Variants in HIKESHI observed in about 807,000 individuals in gnomAD.
HIKESHI encodes the protein protein Hikeshi.
HIKESHI carries 13 observed loss-of-function variants against 25.7 expected under a neutral mutation model. The ratio of observed to expected loss-of-function variants is 0.51; its 90% CI spans 0.33 to 0.80. The LOEUF (loss-of-function observed/expected upper bound fraction) is 0.80, where lower values mean the gene tolerates loss of function less well. Among genes scored for constraint, HIKESHI ranks in the 30% least tolerant of loss-of-function variants. The pLI is 0.02. For missense variants in HIKESHI, 174 were observed against 229.5 expected (o/e 0.76, Z 1.56); for synonymous variants, 76 against 78.7 (o/e 0.97, Z 0.18).
rs1947802213 is a variant in HIKESHI, at chr11:86,343,996, CAA to C, written c.421-606_421-605del. On this transcript the variant is annotated intron_variant, in intron 3 of 4. Coordinates refer to ENST00000278483, the MANE Select transcript of HIKESHI (RefSeq NM_016401.4). The stretch of plus-strand genomic sequence containing the variant: ...TTAGTGAATTTGATCATTTTAGAGT[CAA>C]GGAAGGGAAACAGATTAGGAAACAG... 3 of 152,304 alleles carry C rather than the reference CAA, an allele frequency of 2.0e-5. No individual in the cohort carries two copies. In the East Asian group the frequency reaches 5.8e-4, roughly 29 times the overall value. 9.4% of individuals were successfully genotyped at this position (152,304 alleles called of 1,614,324 possible).
intron 2 of HIKESHI, among the ~76,000 whole-genome samples, chr11:86,307,011 AAAT>A (rs1946644342): frequency 7.0e-6 from 1 of 143,534 alleles, no homozygotes; most frequent in East Asian, 2.1e-4. Flanking sequence ...AAGAAAAAAA[AAAT>A]ATATATATAT....
intron 3 of HIKESHI, among the ~76,000 whole-genome samples, chr11:86,338,380 TAGC>T (rs956029853): frequency 1.3e-5 from 2 of 151,414 alleles, no homozygotes; most frequent in Admixed American, 1.3e-4. Flanking sequence ...GAGTAGAAAA[TAGC>T]AGCATATATG....
At chr11:86,313,457 C>A (rs1465273018) in intron 2 of HIKESHI, among the ~76,000 whole-genome samples, 1 of 152,084 alleles carries the variant, frequency 6.6e-6, no homozygotes, top group Non-Finnish European at 1.5e-5. Context: ...GTCTTGAACT[C>A]CTGACCTTAG....
intron 1 of HIKESHI, among the ~76,000 whole-genome samples, chr11:86,305,544 G>A (rs1002552631): frequency 4.0e-5 from 6 of 149,828 alleles, no homozygotes; most frequent in Non-Finnish European, 7.4e-5. Flanking sequence ...GTGCCACCAC[G>A]CTTGGCTAAT....
chr11:86,311,649 G>GTA (rs1946837527), intron 2 of HIKESHI, among the ~76,000 whole-genome samples: 3 of 152,094 alleles, frequency 2.0e-5, no homozygotes, highest in African/African-American at 7.2e-5. Context: ...TAATTGTGAC[G>GTA]TTAGGGTGTC....
At chr11:86,317,581 G>T (rs1486221576) in intron 2 of HIKESHI, among the ~76,000 whole-genome samples, 1 of 152,122 alleles carries the variant, frequency 6.6e-6, no homozygotes, top group Non-Finnish European at 1.5e-5. Flanking sequence ...GAGGCAGGTG[G>T]ATCACCTGAG....
At chr11:86,337,560 T>C (rs1249440160) in intron 3 of HIKESHI, 30 bp downstream of exon 3, 2 of 1,593,742 alleles carry the variant, frequency 1.3e-6, no homozygotes, top group East Asian at 2.3e-5. Flanking sequence ...ATTCTTTACC[T>C]CCCCCTCCAC....
chr11:86,344,964 G>T, intron 4 of HIKESHI: 2 of 538,454 alleles, frequency 3.7e-6, no homozygotes, highest in Non-Finnish European at 6.0e-6. Flanking sequence ...TATGTTTTAG[G>T]GACCACTATT....
intron 2 of HIKESHI, among the ~76,000 whole-genome samples, chr11:86,315,768 G>A (rs939487645): frequency 2.0e-5 from 3 of 152,084 alleles, no homozygotes; most frequent in East Asian, 1.9e-4. Context: ...AAGGATGCAA[G>A]ACACAAAGTT....
At chr11:86,315,357 A>G (rs1946946328) in intron 2 of HIKESHI, among the ~76,000 whole-genome samples, 1 of 150,792 alleles carries the variant, frequency 6.6e-6, no homozygotes, top group Non-Finnish European at 1.5e-5. Flanking sequence ...TTTCGCTCTT[A>G]CTGCCCAGGC....
intron 2 of HIKESHI, among the ~76,000 whole-genome samples, chr11:86,318,912 T>C (rs1260941468): frequency 6.6e-6 from 1 of 152,136 alleles, no homozygotes; most frequent in Non-Finnish European, 1.5e-5. Context: ...CATCTAAAGA[T>C]AATTTTTTGT....
chr11:86,334,638 A>G (rs1026499661), intron 2 of HIKESHI, among the ~76,000 whole-genome samples: 1 of 152,176 alleles, frequency 6.6e-6, no homozygotes, highest in African/African-American at 2.4e-5. Flanking sequence ...CTAGATTTAA[A>G]AGAAATCAAA....
intron 3 of HIKESHI, among the ~76,000 whole-genome samples, chr11:86,339,441 A>G (rs1323719899): frequency 6.6e-6 from 1 of 152,246 alleles, no homozygotes; most frequent in Middle Eastern, 3.2e-3. Flanking sequence ...GGTGGGGTAT[A>G]CATTAAGACT....
chr11:86,331,244 C>G (rs1038841312), intron 2 of HIKESHI, among the ~76,000 whole-genome samples: 2 of 152,136 alleles, frequency 1.3e-5, no homozygotes, highest in African/African-American at 4.8e-5. Flanking sequence ...AATCCCAGCA[C>G]TTTGGGAGGC....
At chr11:86,307,740 TA>T (rs1307515137) in intron 2 of HIKESHI, among the ~76,000 whole-genome samples, 1 of 107,308 alleles carries the variant, frequency 9.3e-6, no homozygotes, top group African/African-American at 3.9e-5. Flanking sequence ...ATACATTATA[TA>T]AAATATATAT....
chr11:86,335,359 C>G (rs528875172), intron 2 of HIKESHI, among the ~76,000 whole-genome samples: 62 of 152,194 alleles, frequency 4.1e-4, no homozygotes, highest in African/African-American at 1.4e-3. Context: ...TGGAGTAAAC[C>G]AAAACTAACC....
intron 2 of HIKESHI, among the ~76,000 whole-genome samples, chr11:86,313,567 A>G (rs1018390239): frequency 1.3e-5 from 2 of 152,218 alleles, no homozygotes; most frequent in African/African-American, 4.8e-5. Flanking sequence ...TATGGAGTCC[A>G]AGGAAAATTA....
chr11:86,323,751 G>C (rs1198914409), intron 2 of HIKESHI, among the ~76,000 whole-genome samples: 3 of 152,130 alleles, frequency 2.0e-5, no homozygotes, highest in African/African-American at 7.2e-5. Context: ...TAAGAACACA[G>C]ACATTTCCTT....
intron 4 of HIKESHI, chr11:86,345,078 T>G: frequency 9.3e-7 from 1 of 1,077,356 alleles, no homozygotes; most frequent in Non-Finnish European, 1.1e-6. Flanking sequence ...TTTTCCAACT[T>G]TCCCGTGTTT....
Sources: gnomAD v4.1 joint callset for allele counts (sites outside exome capture counted in the v4.1 genomes callset) on GRCh38, gnomAD v4.1.1 for gene constraint, MANE v1.5 for transcripts, NCBI Gene and HGNC (gene_info 2026-07-23, HGNC 2026-07-21) for gene names.